DOCK2: variants seen among roughly 807,000 people sequenced by gnomAD.
DOCK2 encodes dedicator of cytokinesis 2.
Under a neutral mutation model 248.9 loss-of-function variants are expected in DOCK2, and 87 were observed. The ratio of observed to expected loss-of-function variants is 0.35; its 90% CI spans 0.29 to 0.42. The LOEUF (loss-of-function observed/expected upper bound fraction) is 0.42. Among genes scored for constraint, DOCK2 ranks in the 10% least tolerant of loss-of-function variants. DOCK2 has a pLI of 1.00. For missense variants in DOCK2, 1,747 were observed against 2,300.2 expected (o/e 0.76, Z 4.92); for synonymous variants, 805 against 821.6 (o/e 0.98, Z 0.35).
chr5:169,995,916 A>G (rs2059110), intron 29 of DOCK2, among the ~76,000 whole-genome samples, 170 bp from the exon 30 acceptor site: 115,116 of 152,152 alleles, frequency 0.76, 43,739 homozygotes, highest in African/African-American at 0.84. Flanking sequence ...AACAGCCCCG[A>G]GTCTAGAGTG....
chr5:169,987,750 C>G (rs541896722), intron 29 of DOCK2, among the ~76,000 whole-genome samples: 3 of 152,256 alleles, frequency 2.0e-5, no homozygotes, highest in East Asian at 3.9e-4. Context: ...CCTAACGGAC[C>G]TAATACATTG....
At chr5:169,963,787 A>G (rs73327831) in intron 27 of DOCK2, among the ~76,000 whole-genome samples, 3,947 of 152,034 alleles carry the variant, frequency 0.026, 164 homozygotes, top group African/African-American at 0.087. Context: ...GATGCTCTCT[A>G]AGGCCCTGGC....
At chr5:170,003,042 A>G (rs1754894898) in intron 30 of DOCK2, among the ~76,000 whole-genome samples, 1 of 152,252 alleles carries the variant, frequency 6.6e-6, no homozygotes, top group Non-Finnish European at 1.5e-5. Flanking sequence ...GCATGGAATT[A>G]GAGATACAAA....
At chr5:169,812,476 A>G (rs1767818909) in intron 26 of DOCK2, among the ~76,000 whole-genome samples, 1 of 152,200 alleles carries the variant, frequency 6.6e-6, no homozygotes, top group Non-Finnish European at 1.5e-5. Flanking sequence ...TGCACGGTAA[A>G]TGTAATGCAC....
chr5:169,859,181 C>A (rs917525241), intron 27 of DOCK2, among the ~76,000 whole-genome samples: 2 of 152,130 alleles, frequency 1.3e-5, no homozygotes, highest in Non-Finnish European at 2.9e-5. Context: ...AATGAGAGAA[C>A]CAAACTCTGT....
At chr5:169,696,841 AC>A (rs1173877717) in intron 10 of DOCK2, among the ~76,000 whole-genome samples, 1 of 149,902 alleles carries the variant, frequency 6.7e-6, no homozygotes, top group Non-Finnish European at 1.5e-5. Flanking sequence ...TTTTTTTTTA[AC>A]CTGGCACTGC....
intron 44 of DOCK2, among the ~76,000 whole-genome samples, chr5:170,064,530 G>A (rs759219283): frequency 6.6e-5 from 10 of 151,790 alleles, no homozygotes; most frequent in Non-Finnish European, 1.2e-4. Context: ...GAGCAAACTC[G>A]AAGACAAATC....
At chr5:169,936,565 G>C (rs1333254501) in intron 27 of DOCK2, among the ~76,000 whole-genome samples, 1 of 147,038 alleles carries the variant, frequency 6.8e-6, no homozygotes, top group Admixed American at 6.7e-5. Context: ...AATCATTGGT[G>C]ATTCTCAGAC....
intron 14 of DOCK2, among the ~76,000 whole-genome samples, chr5:169,703,486 C>T (rs1245032324): frequency 6.6e-6 from 1 of 152,162 alleles, no homozygotes; most frequent in East Asian, 1.9e-4. Flanking sequence ...TGACTGGTTC[C>T]AGGCCCTCTG....
Position 170,079,158 on chromosome 5 carries a change from A to T in DOCK2, c.5166+12A>T, listed in dbSNP as rs778727106. Reference sequence around the variant, plus strand: ...CGGACCTGAAGCGGGTGAGTGGCTGAGGCAGATTGCCTCTCCAGCGCTGTT... The same window carrying T: ...CGGACCTGAAGCGGGTGAGTGGCTGTGGCAGATTGCCTCTCCAGCGCTGTT... On this transcript the variant is annotated intron_variant, in intron 49 of 51. Coordinates refer to ENST00000520908, the MANE Select transcript of DOCK2 (RefSeq NM_004946.3). 5 of 1,611,872 alleles carry T rather than the reference A, an allele frequency of 3.1e-6. No individual in the cohort carries two copies. In the African/African-American group the frequency reaches 5.3e-5, roughly 17 times the overall value.
chr5:169,798,535 G>T (rs6892041), intron 25 of DOCK2, among the ~76,000 whole-genome samples: 18,567 of 152,118 alleles, frequency 0.12, 1,409 homozygotes, highest in Non-Finnish European at 0.17. Context: ...CAACTAGAGT[G>T]CTAACAGAAT....
intron 27 of DOCK2, among the ~76,000 whole-genome samples, chr5:169,916,321 T>A (rs924961593): frequency 7.2e-5 from 11 of 152,206 alleles, no homozygotes; most frequent in African/African-American, 2.7e-4. Context: ...CATGCATGGA[T>A]CTAAGGAACC....
chr5:169,765,750 C>T (rs1169144825), intron 25 of DOCK2, among the ~76,000 whole-genome samples: 4 of 152,056 alleles, frequency 2.6e-5, no homozygotes, highest in South Asian at 2.1e-4. Context: ...AGACACCTGA[C>T]AGAGATTTGG....
At chr5:169,900,048 C>T (rs1306176021) in intron 27 of DOCK2, among the ~76,000 whole-genome samples, 1 of 152,180 alleles carries the variant, frequency 6.6e-6, no homozygotes, top group Non-Finnish European at 1.5e-5. Context: ...TTCTTTCCTC[C>T]TTCCCTCTCT....
chr5:170,080,123 T>C, intron 49 of DOCK2, 40 bp from the exon 50 acceptor site: 1 of 1,611,710 alleles, frequency 6.2e-7, no homozygotes. Flanking sequence ...TAAGCCTCTG[T>C]CTTTGTGTGT....
intron 22 of DOCK2, among the ~76,000 whole-genome samples, chr5:169,725,041 A>G (rs1044295081): frequency 6.6e-6 from 1 of 152,196 alleles, no homozygotes; most frequent in African/African-American, 2.4e-5. Flanking sequence ...TTCATGTATG[A>G]ATAAATATTA....
At chr5:169,661,300 AC>A in intron 2 of DOCK2, among the ~76,000 whole-genome samples, 1 of 152,264 alleles carries the variant, frequency 6.6e-6, no homozygotes, top group East Asian at 1.9e-4. Context: ...CAGAGCTCAT[AC>A]TCTTTAAAAA....
chr5:169,936,283 G>T (rs1342949281), intron 27 of DOCK2, among the ~76,000 whole-genome samples: 1 of 152,288 alleles, frequency 6.6e-6, no homozygotes, highest in Middle Eastern at 3.4e-3. Context: ...GTGCTTCAAC[G>T]ACAGAGATGG....
In DOCK2 at chr5:169,883,177, G is replaced by A. The variant is rs780974743; in HGVS notation, c.2799+42325G>A. On this transcript the variant is annotated intron_variant, in intron 27 of 51. Coordinates refer to ENST00000520908, the MANE Select transcript of DOCK2 (RefSeq NM_004946.3). ...TGGAGTCACCCTTCTCCCATCACCT[G>A]GACGTGTGTCATCCAAAGGGTGTAT... 3.9e-6 allele frequency: 6 copies of A among 1,551,514 alleles called. No individual in the cohort carries two copies. Among genetic ancestry groups the A allele is most frequent in the Admixed American group, 2.0e-5 (1 of 50,982 alleles).
Sources: gnomAD v4.1 joint callset for allele counts (sites outside exome capture counted in the v4.1 genomes callset) on GRCh38, gnomAD v4.1.1 for gene constraint, MANE v1.5 for transcripts, NCBI Gene and HGNC (gene_info 2026-07-23, HGNC 2026-07-21) for gene names.